The following C8orf34 variants were observed in gnomAD, a reference collection of about 807,000 sequenced individuals.
The protein encoded by C8orf34 is uncharacterized protein C8orf34.
In C8orf34, 65 loss-of-function variants were observed where a neutral mutation model predicts 68.3. The ratio of observed to expected loss-of-function variants is 0.95; its 90% CI spans 0.78 to 1.17. C8orf34 has a LOEUF of 1.17. Ranked by LOEUF, C8orf34 falls within the 50% of genes most tolerant of loss-of-function variation. The pLI is 0.00. For missense variants in C8orf34, 664 were observed against 655.4 expected (o/e 1.01, Z -0.14); for synonymous variants, 244 against 241.2 (o/e 1.01, Z -0.11).
chr8:68,597,195 G>A (rs1817569543), intron 7 of C8orf34, among the ~76,000 whole-genome samples: 1 of 151,984 alleles, frequency 6.6e-6, no homozygotes, highest in Admixed American at 6.6e-5. Context: ...TCCTGAGCAT[G>A]CTCCTGAAGG....
At chr8:68,596,594 A>G (rs533598596) in intron 7 of C8orf34, among the ~76,000 whole-genome samples, 1 of 152,256 alleles carries the variant, frequency 6.6e-6, no homozygotes, top group Admixed American at 6.5e-5. Context: ...TTTCTTAGGC[A>G]GGTTACTCAT....
At chr8:68,567,029 A>G (rs1402711650) in intron 7 of C8orf34, among the ~76,000 whole-genome samples, 1 of 152,152 alleles carries the variant, frequency 6.6e-6, no homozygotes, top group Admixed American at 6.6e-5. Context: ...GGATTCAGTT[A>G]GCTAGTTTTT....
Position 68,460,093 on chromosome 8 carries a change from T to A in C8orf34, c.608-8599T>A, listed in dbSNP as rs543337861. 6.6e-5 allele frequency among the ~76,000 whole-genome samples: 10 copies of A among 152,312 alleles called. No individual in the cohort carries two copies. In the South Asian group the frequency reaches 2.1e-3, roughly 32 times the overall value. On this transcript the variant is annotated intron_variant, in intron 3 of 13. Transcript: ENST00000518698. ...AATCGGGTCACTCCCACCCTAATAC[T>A]GTGCTTTTCCGACAAGCTTAAAAAA...
intron 9 of C8orf34, among the ~76,000 whole-genome samples, chr8:68,714,186 C>A (rs1048633521): frequency 1.3e-5 from 2 of 152,104 alleles, no homozygotes; most frequent in African/African-American, 4.8e-5. Context: ...CAACATTATA[C>A]TGAACAGGGA....
intron 1 of C8orf34, among the ~76,000 whole-genome samples, chr8:68,356,948 G>T (rs2129619130): frequency 6.6e-6 from 1 of 152,174 alleles, no homozygotes; most frequent in East Asian, 1.9e-4. Context: ...GCAGTGAGAA[G>T]ACATTTTATT....
intron 4 of C8orf34, among the ~76,000 whole-genome samples, chr8:68,479,406 TGAGAGAGAGAGA>T (rs10573693): frequency 4.8e-5 from 7 of 147,206 alleles, no homozygotes; most frequent in East Asian, 2.0e-4. Context: ...AGAGAAACAG[TGAGAGAGAGAGA>T]GAGAGAGAGA....
intron 1 of C8orf34, among the ~76,000 whole-genome samples, chr8:68,378,309 G>A (rs963994345): frequency 2.0e-5 from 3 of 152,110 alleles, no homozygotes; most frequent in Non-Finnish European, 2.9e-5. Flanking sequence ...AATGTAAGGA[G>A]CTTATTTTAT....
intron 7 of C8orf34, among the ~76,000 whole-genome samples, chr8:68,633,374 G>A (rs1171336511): frequency 6.6e-6 from 1 of 152,132 alleles, no homozygotes; most frequent in Admixed American, 6.5e-5. Flanking sequence ...TCTTATAAGA[G>A]TTAAAACATT....
chr8:68,625,957 T>C (rs756456319), intron 7 of C8orf34, among the ~76,000 whole-genome samples: 1 of 152,196 alleles, frequency 6.6e-6, no homozygotes, highest in African/African-American at 2.4e-5. Context: ...TTTTACTTTA[T>C]GAGCATTAGT....
chr8:68,787,582 G>A (rs767994364), intron 12 of C8orf34, 46 bp downstream of exon 12: 1 of 1,341,302 alleles, frequency 7.5e-7, no homozygotes, highest in Non-Finnish European at 1.0e-6. Flanking sequence ...TTACCAGAAG[G>A]AAATCCACAA....
intron 1 of C8orf34, among the ~76,000 whole-genome samples, chr8:68,377,146 C>A (rs570516824): frequency 6.6e-6 from 1 of 152,162 alleles, no homozygotes; most frequent in Non-Finnish European, 1.5e-5. Context: ...AATCCTAGCT[C>A]TTTGGAAGGC....
intron 7 of C8orf34, among the ~76,000 whole-genome samples, chr8:68,559,666 T>C (rs1248490472): frequency 6.6e-6 from 1 of 152,192 alleles, no homozygotes; most frequent in Non-Finnish European, 1.5e-5. Flanking sequence ...CTTTTGTTTA[T>C]AGATGTCGAA....
intron 7 of C8orf34, among the ~76,000 whole-genome samples, chr8:68,571,305 C>T (rs943986641): frequency 6.6e-6 from 1 of 152,152 alleles, no homozygotes. Flanking sequence ...TTTTTAAAAT[C>T]TCTGCTTAAT....
chr8:68,683,048 C>G (rs1348648858), intron 8 of C8orf34, among the ~76,000 whole-genome samples: 1 of 151,808 alleles, frequency 6.6e-6, no homozygotes, highest in East Asian at 1.9e-4. Context: ...TGATTTTGGA[C>G]CCAAGTAAGC....
chr8:68,598,594 T>G (rs1174881752), intron 7 of C8orf34, among the ~76,000 whole-genome samples: 1 of 152,142 alleles, frequency 6.6e-6, no homozygotes, highest in Non-Finnish European at 1.5e-5. Context: ...CTATTATGAC[T>G]ACTTGTTCTG....
chr8:68,441,121 C>T (rs912301283), intron 2 of C8orf34, among the ~76,000 whole-genome samples: 3 of 151,990 alleles, frequency 2.0e-5, no homozygotes, highest in Non-Finnish European at 2.9e-5. Flanking sequence ...CATTTTAAAT[C>T]GCACACATTA....
At chr8:68,472,361 C>T (rs1217072068) in intron 4 of C8orf34, among the ~76,000 whole-genome samples, 1 of 152,090 alleles carries the variant, frequency 6.6e-6, no homozygotes, top group African/African-American at 2.4e-5. Flanking sequence ...TCTTTGAGGC[C>T]ATGATGGAGT....
intron 10 of C8orf34, among the ~76,000 whole-genome samples, chr8:68,776,164 A>G (rs1251170496): frequency 6.6e-6 from 1 of 152,240 alleles, no homozygotes; most frequent in Non-Finnish European, 1.5e-5. Context: ...TTAAAATAAA[A>G]TAAAATATAT....
intron 8 of C8orf34, among the ~76,000 whole-genome samples, chr8:68,691,358 A>AC (rs1311817159): frequency 2.6e-5 from 4 of 152,088 alleles, no homozygotes; most frequent in Non-Finnish European, 2.9e-5. Context: ...GCTATCGCAC[A>AC]CTTAATAGAC....
Sources: allele counts gnomAD v4.1 joint callset (sites outside exome capture counted in the v4.1 genomes callset), GRCh38; gene constraint gnomAD v4.1.1; transcripts MANE v1.5; gene names NCBI Gene and HGNC (gene_info 2026-07-23, HGNC 2026-07-21).